Variants in PFKFB3 observed in about 807,000 individuals in gnomAD.
PFKFB3 encodes 6-phosphofructo-2-kinase/fructose-2,6-biphosphatase 3.
Under a neutral mutation model 68.0 loss-of-function variants are expected in PFKFB3, and 33 were observed. That is an observed-to-expected ratio of 0.49 (90% CI 0.37 to 0.65). The LOEUF (loss-of-function observed/expected upper bound fraction) is 0.65, where lower values mean the gene tolerates loss of function less well. Among genes scored for constraint, PFKFB3 ranks in the 30% least tolerant of loss-of-function variants. PFKFB3 has a pLI of 0.00. For synonymous variants in PFKFB3, 315 were observed against 288.2 expected (o/e 1.09, Z -0.94); for missense variants, 586 against 712.2 (o/e 0.82, Z 2.02).
At chr10:6,155,851 T>C (rs1459938414) in intron 1 of PFKFB3, among the ~76,000 whole-genome samples, 2 of 152,210 alleles carry the variant, frequency 1.3e-5, no homozygotes, top group Non-Finnish European at 2.9e-5. Flanking sequence ...TGTTTGAACA[T>C]GGAAAGAAAG....
downstream of PFKFB3, among the ~76,000 whole-genome samples, chr10:6,256,984 C>T (rs1446056917): frequency 6.6e-6 from 1 of 152,228 alleles, no homozygotes; most frequent in Non-Finnish European, 1.5e-5. Context: ...ACTCAACCTA[C>T]TTAGAGCTCT....
chr10:6,188,400 A>G (rs566774156), intron 1 of PFKFB3, among the ~76,000 whole-genome samples: 2 of 151,560 alleles, frequency 1.3e-5, no homozygotes, highest in East Asian at 3.9e-4. Context: ...TGTGTCCTCA[A>G]TCTTTGCTGC....
intron 1 of PFKFB3, among the ~76,000 whole-genome samples, chr10:6,171,734 A>T (rs1005421568): frequency 6.6e-6 from 1 of 152,214 alleles, no homozygotes; most frequent in African/African-American, 2.4e-5. Context: ...CATGTACATA[A>T]TGTGTTCGTG....
At chr10:6,181,438 G>A (rs1190917821) in intron 1 of PFKFB3, among the ~76,000 whole-genome samples, 3 of 152,206 alleles carry the variant, frequency 2.0e-5, no homozygotes, top group African/African-American at 7.2e-5. Context: ...ATATTATGCA[G>A]CCTTAAACAA....
At chr10:6,180,634 T>G (rs1391932998) in intron 1 of PFKFB3, among the ~76,000 whole-genome samples, 24 of 152,116 alleles carry the variant, frequency 1.6e-4, no homozygotes, top group Admixed American at 1.6e-3. Context: ...CTGGCTAATC[T>G]TTAAATTTTT....
intron 1 of PFKFB3, among the ~76,000 whole-genome samples, chr10:6,207,848 T>C (rs1263222005): frequency 6.6e-6 from 1 of 152,222 alleles, no homozygotes; most frequent in Non-Finnish European, 1.5e-5. Flanking sequence ...GGTCAAGAAG[T>C]ACCTTTTTGA....
At chr10:6,221,923 T>C (rs1382464537) in intron 10 of PFKFB3, among the ~76,000 whole-genome samples, 178 bp downstream of exon 10, 2 of 152,112 alleles carry the variant, frequency 1.3e-5, no homozygotes, top group African/African-American at 4.8e-5. Flanking sequence ...TGAAGTGCAT[T>C]TTCCCATAAG....
At position 6,221,660 on chromosome 10, in the gene PFKFB3, C is replaced by CCTA. The variant is rs757624406; in HGVS notation, c.1000_1002dup (p.Tyr334dup). ...CCGCAGGGCGTCTGTGAGGAGCTGA[C>CCTA]CTACGAGGAGATCAGGGACACCTAC... On this transcript the variant is annotated inframe_insertion, in exon 10 of 15. Transcript: ENST00000379775. 1 of 1,610,916 alleles carries CCTA rather than the reference C, an allele frequency of 6.2e-7. No homozygotes were observed. The highest frequency in any genetic ancestry group is 8.5e-7 in the Non-Finnish European group (1 of 1,178,944).
downstream of PFKFB3, among the ~76,000 whole-genome samples, chr10:6,255,946 G>A (rs560016178): frequency 5.9e-5 from 9 of 152,300 alleles, no homozygotes; most frequent in South Asian, 1.9e-3. Flanking sequence ...TCCTGGGCTC[G>A]CCGTGGTTCT....
the PFKFB3 span, among the ~76,000 whole-genome samples, chr10:6,281,109 C>A: frequency 1.4e-5 from 2 of 143,404 alleles, no homozygotes; most frequent in Non-Finnish European, 3.1e-5. Flanking sequence ...CCAGTCTCAT[C>A]CAGGTTGCCG....
the PFKFB3 span, among the ~76,000 whole-genome samples, chr10:6,270,461 T>C: frequency 3.9e-5 from 6 of 152,306 alleles, no homozygotes; most frequent in African/African-American, 9.6e-5. Context: ...ATGACACACG[T>C]CCTAACCACA....
At chr10:6,156,129 A>ATATGTGTG (rs1554840060) in intron 1 of PFKFB3, among the ~76,000 whole-genome samples, 19 of 96,988 alleles carry the variant, frequency 2.0e-4, no homozygotes, top group African/African-American at 5.1e-4. Context: ...GTACATATAT[A>ATATGTGTG]TGTGTGTGTG....
downstream of PFKFB3, among the ~76,000 whole-genome samples, chr10:6,238,960 A>G (rs758221727): frequency 6.6e-6 from 1 of 152,082 alleles, no homozygotes; most frequent in Non-Finnish European, 1.5e-5. Context: ...TTCTTTATCC[A>G]GTCTATCATT....
At chr10:6,292,278 CTTTTTTTTTTTTTTT>C in the PFKFB3 span, among the ~76,000 whole-genome samples, 30 of 54,306 alleles carry the variant, frequency 5.5e-4, no homozygotes, top group East Asian at 3.2e-3. Context: ...TTTTTTTTTT[CTTTTTTTTTTTTTTT>C]TTTTTTTTTG....
At chr10:6,169,350 T>G (rs1842236750) in intron 1 of PFKFB3, among the ~76,000 whole-genome samples, 1 of 152,138 alleles carries the variant, frequency 6.6e-6, no homozygotes, top group Non-Finnish European at 1.5e-5. Flanking sequence ...AGGATTGTGA[T>G]TGGGACTCTG....
At chr10:6,238,535 T>C (rs775839432), downstream of PFKFB3, among the ~76,000 whole-genome samples, 3 of 150,204 alleles carry the variant, frequency 2.0e-5, no homozygotes, top group Non-Finnish European at 3.0e-5. Context: ...CTCAGACTTA[T>C]TGGGAGAACT....
chr10:6,288,980 T>C, the PFKFB3 span, among the ~76,000 whole-genome samples: 18 of 151,816 alleles, frequency 1.2e-4, 1 homozygote, highest in South Asian at 3.5e-3. Flanking sequence ...TTTCATGTGT[T>C]TTTTGGCTGC....
the PFKFB3 span, among the ~76,000 whole-genome samples, chr10:6,313,847 C>T: frequency 7.9e-5 from 12 of 152,310 alleles, no homozygotes; most frequent in South Asian, 2.1e-4. The surrounding 1 kb of genome is among the most constrained non-coding windows in gnomAD (Gnocchi z 4.2). Flanking sequence ...CTGTTCTTTA[C>T]GCTAAGTTTT....
intron 2 of PFKFB3, among the ~76,000 whole-genome samples, chr10:6,214,189 C>A (rs945160898): frequency 1.3e-5 from 2 of 152,210 alleles, no homozygotes; most frequent in African/African-American, 4.8e-5. Flanking sequence ...GCAGTGAGTG[C>A]GCATTCCTGC....
Sources: allele counts gnomAD v4.1 joint callset (sites outside exome capture counted in the v4.1 genomes callset), GRCh38; gene constraint gnomAD v4.1.1; non-coding constraint Gnocchi (gnomAD v3.1); transcripts MANE v1.5; gene names NCBI Gene and HGNC (gene_info 2026-07-23, HGNC 2026-07-21).